Variants in MOV10L1 observed in about 807,000 individuals in gnomAD.
MOV10L1 encodes RNA helicase Mov10l1.
Under a neutral mutation model 143.8 loss-of-function variants are expected in MOV10L1, and 110 were observed. The observed-to-expected ratio is 0.76, with a 90% confidence interval of 0.66 to 0.90. MOV10L1 has a LOEUF of 0.90. Ranked by LOEUF, MOV10L1 falls within the 40% of genes least tolerant of loss-of-function variation. The pLI, the probability that MOV10L1 is intolerant of heterozygous loss-of-function variation, is 0.00. For synonymous variants in MOV10L1, 593 were observed against 581.1 expected, an observed-to-expected ratio of 1.02 and a Z score of -0.29; for missense variants, 1,406 against 1,526.8, an observed-to-expected ratio of 0.92 and a Z score of 1.32.
chr22:50,149,819 G>T, intron 20 of MOV10L1, 105 bp downstream of exon 20: 1 of 1,046,248 alleles, frequency 9.6e-7, no homozygotes, highest in Admixed American at 2.4e-5. Context: ...CAGGGGTCAG[G>T]TGGAAGTGCC....
At chr22:50,102,433 G>C (rs946753117) in intron 3 of MOV10L1, among the ~76,000 whole-genome samples, 2 of 152,146 alleles carry the variant, frequency 1.3e-5, no homozygotes, top group Admixed American at 1.3e-4. Flanking sequence ...CTGACCTAAA[G>C]GTGGCAAAAG....
chr22:50,128,510 A>G lies in MOV10L1; in HGVS notation c.1910+3A>G. On this transcript the variant is annotated splice_donor_region_variant and intron_variant, in intron 13 of 26. Coordinates refer to ENST00000262794, the MANE Select transcript of MOV10L1 (RefSeq NM_018995.3). The stretch of plus-strand genomic sequence containing the variant: ...GATGTGGAATTTACATATAATAGGT[A>G]ATGCTTTTAGTGAGTCTTCTTTCAA... 3.8e-6 allele frequency: 5 copies of G among 1,315,560 alleles called. No individual in the cohort carries two copies. The highest frequency in any genetic ancestry group is 5.4e-6 in the Non-Finnish European group (5 of 926,318). 81.5% of individuals were successfully genotyped at this position (1,315,560 alleles called of 1,614,324 possible).
intron 8 of MOV10L1, among the ~76,000 whole-genome samples, chr22:50,116,469 G>T (rs866453370): frequency 4.0e-5 from 6 of 151,556 alleles, no homozygotes; most frequent in Non-Finnish European, 2.9e-5. Context: ...AAAGCCATAG[G>T]GGGGCACAAA....
At chr22:50,090,403 T>G (rs969980343) in intron 1 of MOV10L1, 7 of 1,567,810 alleles carry the variant, frequency 4.5e-6, no homozygotes, top group Middle Eastern at 1.7e-4. Context: ...GTGAGGTCTC[T>G]CCGGTGACAC....
rs117477158 is a variant in MOV10L1, at chr22:50,090,194, C to A, written c.97+9C>A. On this transcript the variant is annotated intron_variant, in intron 1 of 26. Coordinates refer to ENST00000262794, the MANE Select transcript of MOV10L1 (RefSeq NM_018995.3). ...GCCCGAGCTCGCGGAAGGTGGCTCG[C>A]GGGAGGCGGCTGGGAGGCGGGTCCC... 0.094 allele frequency: 133,284 copies of A among 1,413,356 alleles called. 6,756 individuals carry two copies. The highest frequency in any genetic ancestry group is 0.17 in the South Asian group (10,487 of 62,896). The allele number at this position is 1,413,356 out of a possible 1,614,324, so 87.6% of individuals were successfully genotyped here. A position where few individuals can be genotyped will look rare whatever the true frequency, so the allele number is the denominator to read the frequency against.
intron 3 of MOV10L1, among the ~76,000 whole-genome samples, chr22:50,103,414 A>G (rs1301559887): frequency 6.6e-6 from 1 of 152,194 alleles, no homozygotes; most frequent in East Asian, 1.9e-4. Context: ...ATTTAGCTGA[A>G]GCACAGTTTC....
intron 20 of MOV10L1, among the ~76,000 whole-genome samples, chr22:50,150,284 G>C (rs182154379): frequency 6.6e-6 from 1 of 152,168 alleles, no homozygotes; most frequent in South Asian, 2.1e-4. Context: ...CTGTGGGGCG[G>C]AGCATGAAGG....
intron 10 of MOV10L1, among the ~76,000 whole-genome samples, chr22:50,120,947 A>G (rs1286954891): frequency 6.6e-6 from 1 of 152,214 alleles, no homozygotes; most frequent in East Asian, 1.9e-4. Context: ...TGTTATGAGC[A>G]AGAAGTGTTC....
intron 2 of MOV10L1, chr22:50,093,265 C>A (rs2062501005): frequency 6.6e-6 from 1 of 152,042 alleles, no homozygotes; most frequent in Non-Finnish European, 1.5e-5. Flanking sequence ...TCAGCTTTTT[C>A]TTTTGTTAAA....
intron 2 of MOV10L1, among the ~76,000 whole-genome samples, chr22:50,098,272 C>CTTAATAATAACTT (rs10627093): frequency 7.1e-6 from 1 of 141,556 alleles, no homozygotes; most frequent in Admixed American, 7.0e-5. Flanking sequence ...TTAATAATCA[C>CTTAATAATAACTT]ATAATCACTT....
chr22:50,095,744 G>T (rs900497409), intron 2 of MOV10L1: 1 of 151,972 alleles, frequency 6.6e-6, no homozygotes, highest in Non-Finnish European at 1.5e-5. Flanking sequence ...GCAAATCCCA[G>T]CCCTCTTGGT....
At chr22:50,098,811 T>G (rs2062663289) in intron 2 of MOV10L1, among the ~76,000 whole-genome samples, 1 of 152,234 alleles carries the variant, frequency 6.6e-6, no homozygotes, top group Non-Finnish European at 1.5e-5. Context: ...GTGAGATTTT[T>G]GTTTATGGCC....
chr22:50,135,299 A>G (rs537267308), intron 15 of MOV10L1, among the ~76,000 whole-genome samples: 24 of 151,496 alleles, frequency 1.6e-4, no homozygotes, highest in African/African-American at 3.6e-4. Flanking sequence ...GGCGTGAGCC[A>G]CCACACCCGG....
At chr22:50,092,402 A>C (rs2062473182) in intron 2 of MOV10L1, among the ~76,000 whole-genome samples, 1 of 152,172 alleles carries the variant, frequency 6.6e-6, no homozygotes, top group South Asian at 2.1e-4. Flanking sequence ...AGGCTGAGAC[A>C]GGCAGATCAC....
intron 2 of MOV10L1, chr22:50,095,072 C>G (rs1173734080): frequency 6.6e-6 from 1 of 152,192 alleles, no homozygotes; most frequent in African/African-American, 2.4e-5. Context: ...CTCAGTTTCC[C>G]TGGCCACATT....
rs930946758 is a variant in MOV10L1 at position 50,158,901 on chromosome 22, G to T, written c.3216+695G>T. ...TCCTTTTTTCTGACCTCGGGGACTC[G>T]AGAGGTGAGTGCTTAGTTCTCCCAG... On this transcript the variant is annotated intron_variant, in intron 23 of 26. Coordinates refer to ENST00000262794, the MANE Select transcript of MOV10L1 (RefSeq NM_018995.3). The surrounding 1 kb of genome is among the most constrained non-coding windows in gnomAD (Gnocchi z 5.0). 6.6e-6 allele frequency: 1 copy of T among 152,270 alleles called. No homozygotes were observed. The highest frequency in any genetic ancestry group is 1.5e-5 in the Non-Finnish European group (1 of 68,082). 9.4% of individuals were successfully genotyped at this position (152,270 alleles called of 1,614,324 possible). A position where few individuals can be genotyped will look rare whatever the true frequency, so the allele number is the denominator to read the frequency against.
intron 10 of MOV10L1, 120 bp from the exon 11 acceptor site, chr22:50,125,272 G>A (rs2062464990): frequency 1.6e-5 from 16 of 985,576 alleles, no homozygotes; most frequent in Middle Eastern, 5.3e-4. Context: ...GGCGAGGATC[G>A]CCCCACCTGG....
chr22:50,130,278 A>G (rs1187736344), intron 13 of MOV10L1, among the ~76,000 whole-genome samples: 1 of 152,014 alleles, frequency 6.6e-6, no homozygotes, highest in Non-Finnish European at 1.5e-5. Context: ...GTCTCAAAAA[A>G]TAAATAAATA....
chr22:50,123,778 C>T (rs2062419129), intron 10 of MOV10L1, among the ~76,000 whole-genome samples: 1 of 152,214 alleles, frequency 6.6e-6, no homozygotes, highest in East Asian at 1.9e-4. Context: ...ATGGAGCCAT[C>T]AGGTCCTGGG....
Sources: allele counts gnomAD v4.1 joint callset (sites outside exome capture counted in the v4.1 genomes callset), GRCh38; gene constraint gnomAD v4.1.1; non-coding constraint Gnocchi (gnomAD v3.1); transcripts MANE v1.5; gene names NCBI Gene and HGNC (gene_info 2026-07-23, HGNC 2026-07-21).